SUGCT: variants seen among roughly 807,000 people sequenced by gnomAD.
The protein encoded by SUGCT is succinyl-CoA:glutarate CoA-transferase.
SUGCT carries 41 observed loss-of-function variants against 55.0 expected under a neutral mutation model. The observed-to-expected ratio is 0.74, with a 90% CI of 0.58 to 0.97. The LOEUF is 0.97. Among genes scored for constraint, SUGCT ranks in the 50% least tolerant of loss-of-function variants. The pLI, the probability that SUGCT is intolerant of heterozygous loss-of-function variation, is 0.00. For missense variants in SUGCT, 568 were observed against 547.8 expected, an observed-to-expected ratio of 1.04 and a Z score of -0.37; for synonymous variants, 187 against 200.4, an observed-to-expected ratio of 0.93 and a Z score of 0.56.
rs11976870 is a variant in SUGCT, at chr7:40,581,656, C to T, written c.1089+85270C>T. On this transcript the variant is annotated intron_variant, in intron 12 of 13. Transcript: ENST00000335693. The stretch of plus-strand genomic sequence containing the variant: ...TTCCAAATGATGTGTGTATATTTTT[C>T]CCCTGATATCTATCAAAGACCATTT... Among the ~76,000 whole-genome samples the T allele has an allele frequency of 9.9e-4, 151 of 152,180 alleles. 1 individual carries two copies. The highest frequency in any genetic ancestry group is 3.5e-3 in the African/African-American group (144 of 41,540).
intron 7 of SUGCT, among the ~76,000 whole-genome samples, chr7:40,270,222 C>T (rs1359734936): frequency 1.3e-5 from 2 of 150,154 alleles, no homozygotes; most frequent in East Asian, 1.9e-4. Context: ...TTTGGGTTGT[C>T]CTTTCACTTT....
the SUGCT span, chr7:40,979,946 A>C: frequency 6.6e-6 from 1 of 152,216 alleles, no homozygotes; most frequent in Non-Finnish European, 1.5e-5. Context: ...GAGTGGGTTC[A>C]TCTGCTCAGG....
At chr7:40,908,512 A>G in the SUGCT span, among the ~76,000 whole-genome samples, 1 of 152,138 alleles carries the variant, frequency 6.6e-6, no homozygotes. Context: ...ATAACACACA[A>G]TGTTTAAAAA....
the SUGCT span, among the ~76,000 whole-genome samples, chr7:40,873,944 T>C: frequency 6.6e-6 from 1 of 152,352 alleles, no homozygotes; most frequent in African/African-American, 2.4e-5. Context: ...AAATGAGCCT[T>C]CATCTTCAAA....
At chr7:40,466,651 T>C (rs1350254029) in intron 11 of SUGCT, among the ~76,000 whole-genome samples, 1 of 152,156 alleles carries the variant, frequency 6.6e-6, no homozygotes. Flanking sequence ...TGTGAAGCAA[T>C]GATGGGCAAG....
chr7:41,005,063 G>T, the SUGCT span, among the ~76,000 whole-genome samples: 1 of 152,128 alleles, frequency 6.6e-6, no homozygotes, highest in African/African-American at 2.4e-5. Flanking sequence ...CTTTGCCATT[G>T]TTTGCTGTCT....
chr7:40,572,739 C>T (rs561128671), intron 12 of SUGCT, among the ~76,000 whole-genome samples: 80 of 152,206 alleles, frequency 5.3e-4, no homozygotes, highest in Non-Finnish European at 8.4e-4. Flanking sequence ...GATGGTACCT[C>T]GGGTCGCTGC....
intron 6 of SUGCT, among the ~76,000 whole-genome samples, chr7:40,218,975 C>A (rs1006838523): frequency 6.6e-6 from 1 of 152,138 alleles, no homozygotes; most frequent in Admixed American, 6.5e-5. Flanking sequence ...TACATTCTTT[C>A]GCTCCTTGCA....
At chr7:40,953,573 C>G in the SUGCT span, among the ~76,000 whole-genome samples, 1 of 152,178 alleles carries the variant, frequency 6.6e-6, no homozygotes, top group Non-Finnish European at 1.5e-5. Flanking sequence ...TTTTCCCCAT[C>G]TTTGTGGTTT....
chr7:40,553,159 T>G (rs182104340), intron 12 of SUGCT, among the ~76,000 whole-genome samples: 52 of 152,338 alleles, frequency 3.4e-4, no homozygotes, highest in African/African-American at 1.1e-3. Context: ...TACCTTGCAG[T>G]GTTTCTGAGT....
In SUGCT at chr7:40,664,389, A is replaced by G. The variant is rs1584235345; in HGVS notation, c.1090-85045A>G. Among the ~76,000 whole-genome samples, 2 of 152,294 alleles carry G rather than the reference A, an allele frequency of 1.3e-5. 1 individual carries two copies. Among genetic ancestry groups the G allele is most frequent in the South Asian group, 4.1e-4 (2 of 4,826 alleles). ...TAGTCATTAACAATAAACAGAATTT[A>G]TTGCACTGGCTCAATCTGGATGCAT... On this transcript the variant is annotated intron_variant, in intron 12 of 13. Transcript: ENST00000335693.
At chr7:40,531,340 C>T (rs1413606764) in intron 12 of SUGCT, among the ~76,000 whole-genome samples, 3 of 152,148 alleles carry the variant, frequency 2.0e-5, no homozygotes, top group Non-Finnish European at 4.4e-5. Flanking sequence ...AACTGGCTCA[C>T]AGCCACACAG....
chr7:40,617,422 A>T (rs956004174), intron 12 of SUGCT, among the ~76,000 whole-genome samples: 1 of 152,006 alleles, frequency 6.6e-6, no homozygotes. Flanking sequence ...TTTGACTCAC[A>T]GTACAAGAGC....
intron 12 of SUGCT, among the ~76,000 whole-genome samples, chr7:40,725,229 T>G (rs1308860364): frequency 6.6e-6 from 1 of 152,220 alleles, no homozygotes; most frequent in African/African-American, 2.4e-5. Context: ...AATGCAGAAC[T>G]CCTAAGCCAA....
the SUGCT span, among the ~76,000 whole-genome samples, chr7:40,973,925 T>C: frequency 9.2e-5 from 14 of 152,352 alleles, no homozygotes; most frequent in East Asian, 9.6e-4. Context: ...ATGCTTTTCC[T>C]GGCATTTGAG....
chr7:40,669,790 G>T (rs1272389404), intron 12 of SUGCT, among the ~76,000 whole-genome samples: 2 of 151,886 alleles, frequency 1.3e-5, no homozygotes, highest in Non-Finnish European at 2.9e-5. Flanking sequence ...AAAGAAATAA[G>T]CAGAGCTTTG....
the SUGCT span, among the ~76,000 whole-genome samples, chr7:40,946,299 T>C: frequency 6.6e-6 from 1 of 152,094 alleles, no homozygotes; most frequent in African/African-American, 2.4e-5. Flanking sequence ...TTGTATTAAG[T>C]GACCATAGTG....
At chr7:41,036,876 G>A in the SUGCT span, among the ~76,000 whole-genome samples, 1 of 152,156 alleles carries the variant, frequency 6.6e-6, no homozygotes, top group Non-Finnish European at 1.5e-5. Flanking sequence ...TTTAAGAACA[G>A]AACTCCTTAC....
At chr7:40,440,856 G>A (rs1000928981) in intron 9 of SUGCT, among the ~76,000 whole-genome samples, 16 of 152,136 alleles carry the variant, frequency 1.1e-4, no homozygotes, top group South Asian at 4.1e-4. Context: ...GACTCAGGAG[G>A]CTATGTGAGG....
Sources: gnomAD v4.1 joint callset for allele counts (sites outside exome capture counted in the v4.1 genomes callset) on GRCh38, gnomAD v4.1.1 for gene constraint, MANE v1.5 for transcripts, NCBI Gene and HGNC (gene_info 2026-07-23, HGNC 2026-07-21) for gene names.